The following ELMO1 variants were observed in gnomAD, a reference collection of about 807,000 sequenced individuals.
The protein encoded by ELMO1 is engulfment and cell motility 1, also known as engulfment and cell motility protein 1.
ELMO1 carries 26 observed loss-of-function variants against 98.9 expected under a neutral mutation model. The ratio of observed to expected loss-of-function variants is 0.26; its 90% CI spans 0.19 to 0.36. The LOEUF (loss-of-function observed/expected upper bound fraction) is 0.36. Among genes scored for constraint, ELMO1 ranks in the 10% least tolerant of loss-of-function variants. The pLI, the probability that ELMO1 is intolerant of heterozygous loss-of-function variation, is 1.00. For missense variants in ELMO1, 627 were observed against 935.2 expected, an observed-to-expected ratio of 0.67 and a Z score of 4.30; for synonymous variants, 346 against 346.0, an observed-to-expected ratio of 1.00 and a Z score of 0.00.
intron 16 of ELMO1, among the ~76,000 whole-genome samples, chr7:36,914,368 T>G (rs1004077941): frequency 6.6e-6 from 1 of 152,202 alleles, no homozygotes; most frequent in Admixed American, 6.5e-5. Context: ...TAGTACTATA[T>G]TAGAAAGTTT....
intron 13 of ELMO1, among the ~76,000 whole-genome samples, chr7:37,190,248 A>G (rs181203208): frequency 1.3e-5 from 2 of 152,286 alleles, no homozygotes; most frequent in Admixed American, 6.5e-5. Context: ...AACACGTTTC[A>G]TTTGTTCTGC....
At chr7:37,406,278 T>C (rs895239736) in intron 1 of ELMO1, among the ~76,000 whole-genome samples, 7 of 151,832 alleles carry the variant, frequency 4.6e-5, no homozygotes, top group African/African-American at 1.7e-4. Context: ...TTTTTTTTTT[T>C]TCTCTCTTTG....
intron 8 of ELMO1, among the ~76,000 whole-genome samples, chr7:37,232,717 G>A (rs1310107720): frequency 6.6e-6 from 1 of 152,124 alleles, no homozygotes; most frequent in Non-Finnish European, 1.5e-5. Context: ...AGTATACTTT[G>A]CCTCTTTCCT....
At chr7:37,272,294 C>T (rs1371064588) in intron 4 of ELMO1, among the ~76,000 whole-genome samples, 1 of 152,102 alleles carries the variant, frequency 6.6e-6, no homozygotes, top group African/African-American at 2.4e-5. Context: ...AACGTAGAAA[C>T]AATACATATG....
intron 1 of ELMO1, among the ~76,000 whole-genome samples, chr7:37,407,507 C>CAAAAAAAA (rs34117162): frequency 1.1e-5 from 1 of 91,672 alleles, no homozygotes; most frequent in Non-Finnish European, 2.4e-5. Context: ...AACTCCATCT[C>CAAAAAAAA]AAAAAAAAAA....
chr7:37,076,188 T>A (rs927143339), intron 15 of ELMO1, among the ~76,000 whole-genome samples: 1 of 152,254 alleles, frequency 6.6e-6, no homozygotes, highest in East Asian at 1.9e-4. Flanking sequence ...TGAGTCACTA[T>A]TCTCAATTAC....
chr7:36,962,591 T>C (rs1007778320), intron 16 of ELMO1, among the ~76,000 whole-genome samples: 1 of 148,430 alleles, frequency 6.7e-6, no homozygotes, highest in African/African-American at 2.5e-5. Flanking sequence ...TTGGATGTGG[T>C]AGGTGTTGAG....
chr7:37,279,116 C>T (rs1364899005), intron 4 of ELMO1, among the ~76,000 whole-genome samples: 1 of 152,056 alleles, frequency 6.6e-6, no homozygotes, highest in South Asian at 2.1e-4. Context: ...GCAGGAGAAT[C>T]GCTTGAAACT....
At chr7:36,861,932 G>A (rs1052737164) in intron 20 of ELMO1, 196 bp from the exon 21 acceptor site, 6 of 600,306 alleles carry the variant, frequency 1.0e-5, no homozygotes, top group African/African-American at 1.9e-5. Flanking sequence ...ACGGCGGTCT[G>A]TGAACTATCT....
intron 2 of ELMO1, among the ~76,000 whole-genome samples, chr7:37,334,721 T>C (rs1175162400): frequency 1.3e-5 from 2 of 152,178 alleles, no homozygotes; most frequent in Non-Finnish European, 2.9e-5. Flanking sequence ...AAAACTCAAA[T>C]GGGTTTTACT....
At chr7:36,975,951 T>A (rs1327267262) in intron 16 of ELMO1, among the ~76,000 whole-genome samples, 1 of 152,040 alleles carries the variant, frequency 6.6e-6, no homozygotes, top group African/African-American at 2.4e-5. Flanking sequence ...AATACACGAA[T>A]AATCTCTTCT....
chr7:37,017,915 G>C (rs561412073), intron 15 of ELMO1, among the ~76,000 whole-genome samples: 1 of 152,312 alleles, frequency 6.6e-6, no homozygotes, highest in South Asian at 2.1e-4. Context: ...AGGATAGAGA[G>C]TGAGACAGAC....
intron 15 of ELMO1, among the ~76,000 whole-genome samples, chr7:37,057,544 C>T (rs1337849716): frequency 1.3e-5 from 2 of 152,230 alleles, no homozygotes; most frequent in Non-Finnish European, 2.9e-5. Context: ...TTGTTCTTTA[C>T]AAGGCCTTCA....
intron 13 of ELMO1, among the ~76,000 whole-genome samples, chr7:37,144,485 T>A (rs1178507869): frequency 6.6e-6 from 1 of 152,200 alleles, no homozygotes; most frequent in Non-Finnish European, 1.5e-5. Context: ...ACAGATTTAT[T>A]TTCTTTTCTT....
At chr7:37,099,013 G>A (rs1784504552) in intron 14 of ELMO1, among the ~76,000 whole-genome samples, 1 of 152,204 alleles carries the variant, frequency 6.6e-6, no homozygotes, top group Non-Finnish European at 1.5e-5. Context: ...TACACTGTAG[G>A]TAGAATTACT....
chr7:37,322,354 G>A (rs567862948), intron 2 of ELMO1, among the ~76,000 whole-genome samples: 6 of 152,126 alleles, frequency 3.9e-5, no homozygotes, highest in South Asian at 2.1e-4. Context: ...GGTGGCTCAC[G>A]CCTGTAATCC....
chr7:36,985,472 G>T (rs918223697), intron 16 of ELMO1, among the ~76,000 whole-genome samples: 2 of 152,090 alleles, frequency 1.3e-5, no homozygotes, highest in African/African-American at 4.8e-5. Context: ...GTCTGAAGAA[G>T]TGTTTGACAG....
intron 18 of ELMO1, among the ~76,000 whole-genome samples, chr7:36,882,558 A>C (rs904252642): frequency 6.6e-6 from 1 of 152,214 alleles, no homozygotes; most frequent in African/African-American, 2.4e-5. Flanking sequence ...CTCAGAGCAA[A>C]TGACACCGGA....
intron 2 of ELMO1, among the ~76,000 whole-genome samples, chr7:37,330,367 C>T (rs1007581583): frequency 5.3e-5 from 8 of 152,326 alleles, no homozygotes; most frequent in African/African-American, 1.9e-4. Context: ...TTAACCAATT[C>T]TCTCTTTAGC....
Sources: allele counts gnomAD v4.1 joint callset (sites outside exome capture counted in the v4.1 genomes callset), GRCh38; gene constraint gnomAD v4.1.1; transcripts MANE v1.5; gene names NCBI Gene and HGNC (gene_info 2026-07-23, HGNC 2026-07-21).